TMEM255B: variants seen among roughly 807,000 people sequenced by gnomAD.
TMEM255B encodes transmembrane protein 255B.
In TMEM255B, 35 loss-of-function variants were observed where a neutral mutation model predicts 34.5. The ratio of observed to expected loss-of-function variants is 1.01; its 90% CI spans 0.77 to 1.34. The LOEUF is 1.34. Among genes scored for constraint, TMEM255B ranks in the 40% most tolerant of loss-of-function variants. The pLI is 0.00. For missense variants in TMEM255B, 432 were observed against 433.2 expected (o/e 1.00, Z 0.02); for synonymous variants, 206 against 201.2 (o/e 1.02, Z -0.20).
At chr13:113,768,578 G>A (rs2050428637) in intron 2 of TMEM255B, among the ~76,000 whole-genome samples, 1 of 152,030 alleles carries the variant, frequency 6.6e-6, no homozygotes, top group Non-Finnish European at 1.5e-5. Flanking sequence ...CCCACACCTG[G>A]CACCTCCCTG....
rs528071599 is a variant in TMEM255B at position 113,798,183 on chromosome 13, T to TGATG, written c.343-1139_343-1136dup. Among the ~76,000 whole-genome samples, 521 of 148,904 alleles carry TGATG rather than the reference T, an allele frequency of 3.5e-3. 6 individuals are homozygous for TGATG. Among genetic ancestry groups the TGATG allele is most frequent in the Middle Eastern group, 0.015 (4 of 268 alleles). ...ATGGATGGATGGATAGAAGGATGGA[T>TGATG]GATGGATGGATGGATGGATGTGGAT... On this transcript the variant is annotated intron_variant, in intron 4 of 8. Coordinates refer to ENST00000375353, the MANE Select transcript of TMEM255B (RefSeq NM_182614.4).
chr13:113,814,530 G>C lies in TMEM255B; in HGVS notation c.*2627G>C, dbSNP rs2051382648. ...AAAGAATGTGAACAATTTGACTCAA[G>C]GTTCGTGGTGGCTGGAGGGTCCCCC... On this transcript the variant is annotated 3_prime_UTR_variant, in exon 9 of 9. Coordinates refer to ENST00000375353, the MANE Select transcript of TMEM255B (RefSeq NM_182614.4). 6.6e-6 allele frequency: 1 copy of C among 152,252 alleles called. No homozygotes were observed. Among genetic ancestry groups the C allele is most frequent in the Non-Finnish European group, 1.5e-5 (1 of 68,062 alleles). The allele number at this position is 152,252 out of a possible 1,614,324, so 9.4% of individuals were successfully genotyped here.
intron 1 of TMEM255B, chr13:113,761,493 G>A: frequency 2.2e-6 from 1 of 463,986 alleles, no homozygotes; most frequent in Non-Finnish European, 2.8e-6. Context: ...TATCCTAGAT[G>A]GGCTGCACCT....
intron 3 of TMEM255B, among the ~76,000 whole-genome samples, chr13:113,774,859 A>G (rs1315203989): frequency 6.6e-6 from 1 of 150,688 alleles, no homozygotes; most frequent in African/African-American, 2.4e-5. Flanking sequence ...AATGCACACC[A>G]CATACACCAC....
At chr13:113,762,118 A>AT (rs1555363800) in intron 1 of TMEM255B, among the ~76,000 whole-genome samples, 1 of 151,524 alleles carries the variant, frequency 6.6e-6, no homozygotes, top group Admixed American at 6.6e-5. Context: ...AAAAAAAAAA[A>AT]TCAAGGAAAT....
At chr13:113,809,654 C>T (rs2051263733) in intron 8 of TMEM255B, among the ~76,000 whole-genome samples, 1 of 150,174 alleles carries the variant, frequency 6.7e-6, no homozygotes, top group Admixed American at 6.6e-5. Flanking sequence ...CTCCGTGGTT[C>T]CTGAGTTTTA....
chr13:113,803,387 C>A (rs543637418), intron 7 of TMEM255B: 5 of 148,308 alleles, frequency 3.4e-5, no homozygotes, highest in Admixed American at 3.4e-4. Context: ...GAAGATGCTT[C>A]CTTCATTCCT....
chr13:113,763,225 T>C (rs2050336317), intron 1 of TMEM255B, among the ~76,000 whole-genome samples: 1 of 152,248 alleles, frequency 6.6e-6, no homozygotes, highest in African/African-American at 2.4e-5. Flanking sequence ...GGTGTTATTA[T>C]CATCAATATG....
chr13:113,800,685 A>T lies in TMEM255B; in HGVS notation c.424-142A>T. The T allele has an allele frequency of 2.8e-6, 2 of 725,704 alleles. 1 individual carries two copies. The highest frequency in any genetic ancestry group is 3.5e-5 in the South Asian group (2 of 57,796). The allele number at this position is 725,704 out of a possible 1,614,324, so 45.0% of individuals were successfully genotyped here. A position where few individuals can be genotyped will look rare whatever the true frequency, so the allele number is the denominator to read the frequency against. On this transcript the variant is annotated intron_variant, in intron 5 of 8. Coordinates refer to ENST00000375353, the MANE Select transcript of TMEM255B (RefSeq NM_182614.4). ...CGAGCCCCCAAGCCTCTGTGTCTGG[A>T]GTCGGGGGAAAGTCGGGGGAGGCAG...
At chr13:113,804,081 G>A (rs2051118094) in intron 7 of TMEM255B, among the ~76,000 whole-genome samples, 2 of 152,184 alleles carry the variant, frequency 1.3e-5, no homozygotes, top group Admixed American at 1.3e-4. Context: ...GTGAAGGTGG[G>A]GAGGGAGGCG....
intron 8 of TMEM255B, among the ~76,000 whole-genome samples, chr13:113,808,197 TG>T (rs2051221157): frequency 2.0e-5 from 3 of 151,968 alleles, no homozygotes; most frequent in African/African-American, 7.3e-5. Flanking sequence ...TACTCCCACT[TG>T]AGACAGTGGG....
chr13:113,805,078 G>A (rs2051145484), intron 8 of TMEM255B, 50 bp downstream of exon 8: 3 of 1,526,420 alleles, frequency 2.0e-6, no homozygotes, highest in Non-Finnish European at 2.6e-6. Flanking sequence ...CACAGGCAGT[G>A]GGATGGACAG....
At chr13:113,796,748 A>T (rs1469596701) in intron 4 of TMEM255B, among the ~76,000 whole-genome samples, 1 of 152,164 alleles carries the variant, frequency 6.6e-6, no homozygotes, top group Non-Finnish European at 1.5e-5. Context: ...GGAGCAGCCG[A>T]ATTGCTTGTC....
chr13:113,768,356 AG>A, intron 2 of TMEM255B: 1 of 428,018 alleles, frequency 2.3e-6, no homozygotes, highest in Non-Finnish European at 5.0e-6. Flanking sequence ...CCCTGGGTGG[AG>A]GGTGCGGATG....
At chr13:113,804,160 A>G (rs9329351) in intron 7 of TMEM255B, among the ~76,000 whole-genome samples, 14,820 of 152,250 alleles carry the variant, frequency 0.097, 853 homozygotes, top group South Asian at 0.18. Flanking sequence ...TGTGTGAGCC[A>G]TGGGCCCCTC....
At chr13:113,764,366 A>G (rs2050355149) in intron 1 of TMEM255B, among the ~76,000 whole-genome samples, 1 of 152,164 alleles carries the variant, frequency 6.6e-6, no homozygotes. Context: ...CCCTGGCTGC[A>G]GGGACCCCGA....
intron 3 of TMEM255B, among the ~76,000 whole-genome samples, chr13:113,780,615 C>G (rs2050652398): frequency 6.6e-6 from 1 of 152,234 alleles, no homozygotes; most frequent in African/African-American, 2.4e-5. Flanking sequence ...AATTCCTGTC[C>G]TGCCTGATAT....
In TMEM255B at chr13:113,786,432, CCAT is replaced by C. The variant is rs143931908; in HGVS notation, c.253-8710_253-8708del. Among the ~76,000 whole-genome samples, 770 of 152,036 alleles carry C rather than the reference CCAT, an allele frequency of 5.1e-3. 7 individuals carry two copies. The highest frequency in any genetic ancestry group is 0.025 in the South Asian group (119 of 4,798). On this transcript the variant is annotated intron_variant, in intron 3 of 8. Coordinates refer to ENST00000375353, the MANE Select transcript of TMEM255B (RefSeq NM_182614.4). ...GTCATCACTGTCATCACCCTCGTCA[CCAT>C]CATCACTGTTGTCATCACCATCACC... is the stretch of plus-strand genomic sequence containing the variant.
In TMEM255B at chr13:113,799,406, T is replaced by A. The variant is rs2051000340; in HGVS notation, c.410T>A (p.Val137Asp). 1 of 1,614,038 alleles carries A rather than the reference T, an allele frequency of 6.2e-7. No homozygotes were observed. Among genetic ancestry groups the A allele is most frequent in the Non-Finnish European group, 8.5e-7 (1 of 1,180,014 alleles). ...AGTGGGGTGGGGTACTTGTACGATG[T>A]CTACCAGACAGAGGTGAGCAGGAGC... The part of the protein sequence containing the change: ...YSSGVGYLYD[V>D]YQTEVTCHSL... The change falls in exon 5 of 9, where the codon GTC becomes GAC. Residue 137 changes from valine (V) to aspartate (D), a missense_variant. Physicochemically the swap from Val to Asp is radical, Grantham distance 152. Coordinates refer to ENST00000375353, the MANE Select transcript of TMEM255B (RefSeq NM_182614.4).
Sources: allele counts gnomAD v4.1 joint callset (sites outside exome capture counted in the v4.1 genomes callset), GRCh38; gene constraint gnomAD v4.1.1; transcripts MANE v1.5; gene names NCBI Gene and HGNC (gene_info 2026-07-23, HGNC 2026-07-21).